KAZN: variants seen among roughly 807,000 people sequenced by gnomAD.
KAZN encodes kazrin, periplakin interacting protein.
A neutral mutation model predicts 87.4 loss-of-function variants in KAZN; 40 were observed. That is an observed-to-expected ratio of 0.46 (90% CI 0.36 to 0.60). The LOEUF is 0.60. Ranked by LOEUF, KAZN falls within the 20% of genes least tolerant of loss-of-function variation. KAZN has a pLI of 0.00. For synonymous variants in KAZN, 466 were observed against 458.3 expected (o/e 1.02, Z -0.22); for missense variants, 898 against 1,073.9 (o/e 0.84, Z 2.29).
chr1:15,048,027 A>G (rs1673769348), intron 4 of KAZN, among the ~76,000 whole-genome samples: 1 of 152,194 alleles, frequency 6.6e-6, no homozygotes, highest in African/African-American at 2.4e-5. Context: ...CAGAGGTGGC[A>G]AAGCTCACAC....
intron 2 of KAZN, among the ~76,000 whole-genome samples, chr1:14,490,091 G>C (rs984484911): frequency 6.6e-6 from 1 of 152,166 alleles, no homozygotes; most frequent in African/African-American, 2.4e-5. Flanking sequence ...TCAGCATTCA[G>C]CATCTTTTTG....
chr1:13,941,404 T>C (rs1282272717), intron 1 of KAZN, among the ~76,000 whole-genome samples: 1 of 148,712 alleles, frequency 6.7e-6, no homozygotes, highest in Non-Finnish European at 1.5e-5. Context: ...TGGTCCTCAG[T>C]CCTCAGCTAC....
chr1:14,871,649 A>AGTGTGTGTGTGTGTGTGT lies in KAZN; in HGVS notation c.227-89019_227-89002dup, dbSNP rs3033520. Among the ~76,000 whole-genome samples, 179 of 144,644 alleles carry AGTGTGTGTGTGTGTGTGT rather than the reference A, an allele frequency of 1.2e-3. 1 individual carries two copies. Among genetic ancestry groups the AGTGTGTGTGTGTGTGTGT allele is most frequent in the African/African-American group, 2.5e-3 (96 of 38,858 alleles). 94.9% of individuals were successfully genotyped at this position (144,644 alleles called of 152,430 possible). On this transcript the variant is annotated intron_variant, in intron 1 of 14. Coordinates refer to ENST00000376030, the MANE Select transcript of KAZN (RefSeq NM_201628.3). ...AGCCTGAGACATCTACATGAGCAGCAGTGTGTGTGTGTGTGTGTGTGTGTG... is the reference window on the plus strand; with the variant it reads ...AGCCTGAGACATCTACATGAGCAGCAGTGTGTGTGTGTGTGTGTGTGTGTGTGTGTGTGTGTGTGTGTG...
At chr1:14,330,390 CATCTGTGCCAGTGGGGAGAATCCT>C (rs1290576190) in intron 2 of KAZN, among the ~76,000 whole-genome samples, 10 of 152,162 alleles carry the variant, frequency 6.6e-5, no homozygotes, top group African/African-American at 2.4e-4. Flanking sequence ...CCCACAATTC[CATCTGTGCCAGTGGGGAGAATCCT>C]AGCTGTGCCA....
At chr1:14,246,202 A>G (rs746580324) in intron 2 of KAZN, among the ~76,000 whole-genome samples, 1 of 152,188 alleles carries the variant, frequency 6.6e-6, no homozygotes, top group East Asian at 1.9e-4. Flanking sequence ...GAGGAGCATC[A>G]GGAAAAATAG....
intron 1 of KAZN, among the ~76,000 whole-genome samples, chr1:14,722,291 A>G (rs1185932763): frequency 6.6e-6 from 1 of 152,246 alleles, no homozygotes; most frequent in African/African-American, 2.4e-5. Flanking sequence ...GAATAAAATT[A>G]TATATCCATC....
intron 2 of KAZN, among the ~76,000 whole-genome samples, chr1:14,497,270 A>G (rs2148420118): frequency 6.7e-6 from 1 of 149,816 alleles, no homozygotes; most frequent in African/African-American, 2.4e-5. Flanking sequence ...GAGATATAAG[A>G]GAATGACTGT....
intron 1 of KAZN, among the ~76,000 whole-genome samples, chr1:14,874,770 C>A (rs989843855): frequency 1.3e-5 from 2 of 152,096 alleles, no homozygotes; most frequent in Non-Finnish European, 2.9e-5. Flanking sequence ...GATTATCCTT[C>A]TCTGGATTAC....
chr1:13,961,226 C>A (rs1641738061), intron 1 of KAZN, among the ~76,000 whole-genome samples: 1 of 152,156 alleles, frequency 6.6e-6, no homozygotes, highest in East Asian at 1.9e-4. Context: ...AGGAACTTGA[C>A]TTCTACTGCA....
chr1:14,472,977 G>A (rs896995277), intron 2 of KAZN, among the ~76,000 whole-genome samples: 4 of 152,092 alleles, frequency 2.6e-5, no homozygotes, highest in African/African-American at 9.7e-5. Context: ...GTATGTTCCA[G>A]AGATAAATAC....
At chr1:14,683,658 G>T (rs1640801239) in intron 1 of KAZN, among the ~76,000 whole-genome samples, 1 of 152,194 alleles carries the variant, frequency 6.6e-6, no homozygotes, top group Non-Finnish European at 1.5e-5. Context: ...AGCAGGGACT[G>T]TCTCATCTTC....
intron 2 of KAZN, among the ~76,000 whole-genome samples, chr1:15,015,130 CTTTT>C (rs574499124): frequency 1.1e-3 from 156 of 147,478 alleles, no homozygotes; most frequent in Non-Finnish European, 1.0e-3. Context: ...GAAGTTTTTT[CTTTT>C]TATTTATTTA....
At chr1:14,318,981 G>C (rs1043928365) in intron 2 of KAZN, among the ~76,000 whole-genome samples, 6 of 150,956 alleles carry the variant, frequency 4.0e-5, no homozygotes, top group African/African-American at 1.5e-4. Flanking sequence ...TCTCTGTACT[G>C]TCTGGGCCTG....
At chr1:13,981,481 T>C (rs1230746074) in intron 1 of KAZN, among the ~76,000 whole-genome samples, 1 of 152,244 alleles carries the variant, frequency 6.6e-6, no homozygotes, top group African/African-American at 2.4e-5. Flanking sequence ...AGGGGAATAC[T>C]AGACCTGCCT....
In KAZN at chr1:14,784,388, T is replaced by C. The variant is rs1289084550; in HGVS notation, c.227-176296T>C. Among the ~76,000 whole-genome samples the C allele has an allele frequency of 2.0e-5, 3 of 151,600 alleles. No homozygotes were observed. The East Asian group carries it at 5.8e-4, about 29-fold the overall frequency. On this transcript the variant is annotated intron_variant, in intron 1 of 14. Transcript: ENST00000376030. ...TGAAAACTGACCATCAGAGAGGGAGTCTGGGGAGGTATGGGCTCTCTGCAG... is the reference window on the plus strand; with the variant it reads ...TGAAAACTGACCATCAGAGAGGGAGCCTGGGGAGGTATGGGCTCTCTGCAG...
rs1182136754 is a variant in KAZN at position 15,021,080 on chromosome 1, C to A, written c.419-13669C>A. Among the ~76,000 whole-genome samples, 1 of 152,170 alleles carries A rather than the reference C, an allele frequency of 6.6e-6. No individual in the cohort carries two copies. Among genetic ancestry groups the A allele is most frequent in the Non-Finnish European group, 1.5e-5 (1 of 68,030 alleles). On this transcript the variant is annotated intron_variant, in intron 2 of 14. Transcript: ENST00000376030. The surrounding 1 kb of genome is among the most constrained non-coding windows in gnomAD (Gnocchi z 4.2). The stretch of plus-strand genomic sequence containing the variant: ...GCACCCAGGGCAGCTTCCCGATGGA[C>A]AGTCTTGAGTAGGACACCAAAACCC...
chr1:14,767,744 C>T (rs545620357), intron 1 of KAZN, among the ~76,000 whole-genome samples: 4 of 152,144 alleles, frequency 2.6e-5, no homozygotes, highest in Non-Finnish European at 4.4e-5. Context: ...GGCCTGCAGC[C>T]ATGGGAGGGC....
Position 14,109,080 on chromosome 1 carries a change from A to C in KAZN, c.92-71355A>C, listed in dbSNP as rs201821685. On this transcript the variant is annotated intron_variant, in intron 1 of 16. Transcript: ENST00000636203. ...CCCATGACCTTTACTTAAGGACCAA[A>C]GTCCTGTGTCATAGTAGGAAAGACA... 2.6e-5 allele frequency among the ~76,000 whole-genome samples: 4 copies of C among 152,320 alleles called. No individual in the cohort carries two copies. The East Asian group carries it at 5.8e-4, about 22-fold the overall frequency.
At chr1:14,919,389 C>G (rs1658246394) in intron 1 of KAZN, among the ~76,000 whole-genome samples, 1 of 152,222 alleles carries the variant, frequency 6.6e-6, no homozygotes, top group Non-Finnish European at 1.5e-5. Flanking sequence ...GTTGGCCAGG[C>G]TGGTCTCGAA....
Sources: gnomAD v4.1 joint callset for allele counts (sites outside exome capture counted in the v4.1 genomes callset) on GRCh38, gnomAD v4.1.1 for gene constraint, Gnocchi (gnomAD v3.1) non-coding constraint, MANE v1.5 for transcripts, NCBI Gene and HGNC (gene_info 2026-07-23, HGNC 2026-07-21) for gene names.